Variants in CSNK2A2 observed in about 807,000 individuals in gnomAD.
CSNK2A2 encodes casein kinase 2 alpha 2.
In CSNK2A2, 8 loss-of-function variants were observed where a neutral mutation model predicts 54.0. The ratio of observed to expected loss-of-function variants is 0.15; its 90% CI spans 0.09 to 0.27. The LOEUF is 0.27. CSNK2A2 is among the 10% of genes least tolerant of loss of function. The pLI, the probability that CSNK2A2 is intolerant of heterozygous loss-of-function variation, is 1.00. For missense variants in CSNK2A2, 242 were observed against 439.4 expected (o/e 0.55, Z 4.02); for synonymous variants, 141 against 153.9 (o/e 0.92, Z 0.62).
chr16:58,170,987 T>C (rs958688209), intron 5 of CSNK2A2, among the ~76,000 whole-genome samples: 1 of 152,084 alleles, frequency 6.6e-6, no homozygotes, highest in Non-Finnish European at 1.5e-5. Flanking sequence ...CCCTGTCCTC[T>C]ACCTACCACT....
In CSNK2A2 at chr16:58,197,480, G is replaced by A. The variant is rs1024772642; in HGVS notation, c.104+153C>T. Reference sequence around the variant, plus strand: ...GGGGGTAAAGGGGAGGGAAGAGGAAGACGAGGACATGTGCGAGAGCGGGAC... The same window carrying A: ...GGGGGTAAAGGGGAGGGAAGAGGAAAACGAGGACATGTGCGAGAGCGGGAC... On this transcript the variant is annotated intron_variant, in intron 1 of 11. Coordinates refer to ENST00000262506, the MANE Select transcript of CSNK2A2 (RefSeq NM_001896.4). The surrounding 1 kb of genome is among the most constrained non-coding windows in gnomAD (Gnocchi z 4.0). 6.6e-6 allele frequency among the ~76,000 whole-genome samples: 1 copy of A among 152,324 alleles called. No individual in the cohort carries two copies. The highest frequency in any genetic ancestry group is 1.9e-4 in the East Asian group (1 of 5,154).
chr16:58,178,741 A>C (rs1170102580), intron 4 of CSNK2A2, among the ~76,000 whole-genome samples: 1 of 152,188 alleles, frequency 6.6e-6, no homozygotes, highest in African/African-American at 2.4e-5. Flanking sequence ...TTTTAAGGAG[A>C]AACTGACCAA....
At chr16:58,190,466 G>T (rs1322900328) in intron 2 of CSNK2A2, among the ~76,000 whole-genome samples, 2 of 152,084 alleles carry the variant, frequency 1.3e-5, no homozygotes, top group Non-Finnish European at 2.9e-5. Context: ...CCTGGATGAT[G>T]GCACGTAATT....
chr16:58,159,339 A>C (rs1961255108), intron 11 of CSNK2A2, among the ~76,000 whole-genome samples: 1 of 152,238 alleles, frequency 6.6e-6, no homozygotes, highest in Non-Finnish European at 1.5e-5. Context: ...TCATGCACTA[A>C]AACAGTCAAT....
chr16:58,184,183 G>T, intron 4 of CSNK2A2, 77 bp downstream of exon 4: 1 of 1,166,630 alleles, frequency 8.6e-7, no homozygotes, highest in Non-Finnish European at 1.2e-6. Flanking sequence ...GGCCCCTTGG[G>T]TTCTGGAGTA....
At chr16:58,179,759 A>C (rs1355414000) in intron 4 of CSNK2A2, among the ~76,000 whole-genome samples, 3 of 152,160 alleles carry the variant, frequency 2.0e-5, no homozygotes, top group South Asian at 4.1e-4. Context: ...AGGGTTGTAC[A>C]AACTTAAGCA....
At chr16:58,164,859 G>C (rs1047791563) in intron 10 of CSNK2A2, among the ~76,000 whole-genome samples, 2 of 152,208 alleles carry the variant, frequency 1.3e-5, no homozygotes, top group African/African-American at 4.8e-5. Context: ...GAGAGGGAAA[G>C]ACAGCATGTT....
At chr16:58,182,328 G>C (rs1001255061) in intron 4 of CSNK2A2, among the ~76,000 whole-genome samples, 25 of 120,668 alleles carry the variant, frequency 2.1e-4, no homozygotes, top group African/African-American at 7.8e-4. Context: ...AAGCCATCGA[G>C]ACCATCCTGG....
intron 5 of CSNK2A2, among the ~76,000 whole-genome samples, chr16:58,171,979 A>ATATATTTTTTTTTTT (rs1261137669): frequency 1.5e-5 from 1 of 66,216 alleles, no homozygotes. Flanking sequence ...ATATATATAT[A>ATATATTTTTTTTTTT]TTTTTTTTTT....
At chr16:58,168,740 TC>T (rs779176682) in intron 5 of CSNK2A2, 47 bp from the exon 6 acceptor site, 35 of 1,397,578 alleles carry the variant, frequency 2.5e-5, no homozygotes, top group Non-Finnish European at 3.3e-5. Context: ...CCCTCTACCA[TC>T]CCCCAACGCA....
Position 58,171,958 on chromosome 16 carries a change from CATAT to C in CSNK2A2, c.429+2489_429+2492del, listed in dbSNP as rs71155247. On this transcript the variant is annotated intron_variant, in intron 5 of 11. Coordinates refer to ENST00000262506, the MANE Select transcript of CSNK2A2 (RefSeq NM_001896.4). The stretch of plus-strand genomic sequence containing the variant: ...CATGTACCACTACACCTGGAGCATG[CATAT>C]ATATATATATATATATATTTTTTTT... Among the ~76,000 whole-genome samples, 73 of 31,326 alleles carry C rather than the reference CATAT, an allele frequency of 2.3e-3. 3 individuals are homozygous for C. Among genetic ancestry groups the C allele is most frequent in the Middle Eastern group, 0.021 (1 of 48 alleles). 20.6% of individuals were successfully genotyped at this position (31,326 alleles called of 152,430 possible).
At chr16:58,184,356 CA>C (rs777786800) in intron 3 of CSNK2A2, 46 bp from the exon 4 acceptor site, 1 of 1,412,348 alleles carries the variant, frequency 7.1e-7, no homozygotes, top group South Asian at 1.2e-5. Flanking sequence ...AAACAATAAT[CA>C]ATGTAATCTG....
At chr16:58,171,960 T>C (rs1366204102) in intron 5 of CSNK2A2, among the ~76,000 whole-genome samples, 1 of 10,578 alleles carries the variant, frequency 9.5e-5, no homozygotes, top group African/African-American at 3.0e-4. Context: ...GGAGCATGCA[T>C]ATATATATAT....
At chr16:58,194,154 C>T (rs912086712) in intron 2 of CSNK2A2, among the ~76,000 whole-genome samples, 14 of 152,182 alleles carry the variant, frequency 9.2e-5, no homozygotes, top group Non-Finnish European at 1.8e-4. Context: ...GTGCATAATA[C>T]AATCCTGCAG....
At chr16:58,188,252 C>T (rs1002786640) in intron 2 of CSNK2A2, among the ~76,000 whole-genome samples, 2 of 152,198 alleles carry the variant, frequency 1.3e-5, no homozygotes, top group Non-Finnish European at 2.9e-5. Context: ...CATGATGACA[C>T]CCGCTCTCCG....
intron 2 of CSNK2A2, among the ~76,000 whole-genome samples, chr16:58,187,902 T>C (rs572335056): frequency 6.6e-6 from 1 of 152,338 alleles, no homozygotes; most frequent in African/African-American, 2.4e-5. Flanking sequence ...TTCCCAAGTG[T>C]GGCTAACGGG....
At chr16:58,167,605 A>T (rs1452171717) in intron 7 of CSNK2A2, 80 bp downstream of exon 7, 26 of 1,120,236 alleles carry the variant, frequency 2.3e-5, no homozygotes, top group Non-Finnish European at 2.6e-5. Flanking sequence ...GAGTGTATTC[A>T]AACTGACTAG....
rs1032490246 is a variant in CSNK2A2, at chr16:58,197,810, G to A, written c.-74C>T. On this transcript the variant is annotated 5_prime_UTR_variant, in exon 1 of 12. Coordinates refer to ENST00000262506, the MANE Select transcript of CSNK2A2 (RefSeq NM_001896.4). The surrounding 1 kb of genome is among the most constrained non-coding windows in gnomAD (Gnocchi z 4.0). Reference sequence around the variant, plus strand: ...GGCGCGGCGGGGGACGCGGGGCGTCGGGCGGAGGAGGCAGCGGGCCGCCGG... The same window carrying A: ...GGCGCGGCGGGGGACGCGGGGCGTCAGGCGGAGGAGGCAGCGGGCCGCCGG... 9.8e-6 allele frequency: 3 copies of A among 305,838 alleles called. No individual in the cohort carries two copies. Among genetic ancestry groups the A allele is most frequent in the Non-Finnish European group, 1.4e-5 (3 of 213,250 alleles). The allele number at this position is 305,838 out of a possible 1,614,324, so 18.9% of individuals were successfully genotyped here. A position where few individuals can be genotyped will look rare whatever the true frequency, so the allele number is the denominator to read the frequency against.
intron 4 of CSNK2A2, among the ~76,000 whole-genome samples, chr16:58,181,803 G>A (rs1962050254): frequency 6.6e-6 from 1 of 152,064 alleles, no homozygotes; most frequent in African/African-American, 2.4e-5. Flanking sequence ...CAGCAAGTAT[G>A]CAGAACAAAA....
Sources: gnomAD v4.1 joint callset for allele counts (sites outside exome capture counted in the v4.1 genomes callset) on GRCh38, gnomAD v4.1.1 for gene constraint, Gnocchi (gnomAD v3.1) non-coding constraint, MANE v1.5 for transcripts, NCBI Gene and HGNC (gene_info 2026-07-23, HGNC 2026-07-21) for gene names.